SRP68: variants seen among roughly 807,000 people sequenced by gnomAD.
SRP68 encodes signal recognition particle subunit SRP68.
A neutral mutation model predicts 82.2 loss-of-function variants in SRP68; 15 were observed. The ratio of observed to expected loss-of-function variants is 0.18; its 90% confidence interval spans 0.12 to 0.28. The LOEUF is 0.28. Ranked by LOEUF, SRP68 falls within the 10% of genes least tolerant of loss-of-function variation. The pLI is 1.00. For missense variants in SRP68, 595 were observed against 780.5 expected, an observed-to-expected ratio of 0.76 and a Z score of 2.83; for synonymous variants, 261 against 292.6, an observed-to-expected ratio of 0.89 and a Z score of 1.10.
In SRP68 at chr17:76,039,413, C is replaced by T; in HGVS notation, c.*293G>A. On this transcript the variant is annotated 3_prime_UTR_variant, in exon 16 of 16. Coordinates refer to ENST00000307877, the MANE Select transcript of SRP68 (RefSeq NM_014230.4). Reference sequence around the variant, plus strand: ...TGTGGACTCCTGAACGCATTACTGACCAAAGGCAATCAATCACAGCTCACA... The same window carrying T: ...TGTGGACTCCTGAACGCATTACTGATCAAAGGCAATCAATCACAGCTCACA... The T allele has an allele frequency of 1.7e-6, 1 of 583,656 alleles. No individual in the cohort carries two copies. The highest frequency in any genetic ancestry group is 3.2e-6 in the Non-Finnish European group (1 of 309,718). 36.2% of individuals were successfully genotyped at this position (583,656 alleles called of 1,614,324 possible). A position where few individuals can be genotyped will look rare whatever the true frequency, so the allele number is the denominator to read the frequency against.
At chr17:76,053,416 C>T (rs982550514) in intron 8 of SRP68, 8 of 977,912 alleles carry the variant, frequency 8.2e-6, no homozygotes, top group South Asian at 4.7e-5. Flanking sequence ...TTGGAGCAAC[C>T]GGCGTTCAAG....
rs189731385 is a variant in SRP68 at position 76,060,290 on chromosome 17, A to C, written c.837+18T>G. On this transcript the variant is annotated intron_variant, in intron 7 of 15. Transcript: ENST00000307877. ...CTTTGTCCAAAGACTTTTCACAAAA[A>C]TGTACATACTAGATTACCTCCAATT... 4,627 of 1,587,982 alleles carry C rather than the reference A, an allele frequency of 2.9e-3. 48 individuals carry two copies. Among genetic ancestry groups the C allele is most frequent in the South Asian group, 0.021 (1,902 of 90,314 alleles).
chr17:76,050,018 T>C (rs771034545), intron 9 of SRP68, among the ~76,000 whole-genome samples: 7 of 151,960 alleles, frequency 4.6e-5, no homozygotes, highest in East Asian at 1.9e-4. Context: ...GAAGCAACAA[T>C]AGGCAAGAGG....
chr17:76,052,516 G>A (rs2066680518), intron 8 of SRP68, among the ~76,000 whole-genome samples: 2 of 152,178 alleles, frequency 1.3e-5, no homozygotes, highest in African/African-American at 4.8e-5. Flanking sequence ...TTAAAACCTA[G>A]ATGATGGGCT....
At chr17:76,068,518 C>T (rs2066824983) in intron 2 of SRP68, among the ~76,000 whole-genome samples, 1 of 150,178 alleles carries the variant, frequency 6.7e-6, no homozygotes, top group Admixed American at 6.6e-5. Flanking sequence ...GTAAAGAAAG[C>T]AGGGAAAGGG....
rs759764958 is a variant in SRP68 at position 76,047,890 on chromosome 17, T to G, written c.1142+16A>C. Reference sequence around the variant, plus strand: ...TTAATAATATTAAAAAGTAAAAAAATTAAAATAACCCTTACCTATGCAAGT... The same window carrying G: ...TTAATAATATTAAAAAGTAAAAAAAGTAAAATAACCCTTACCTATGCAAGT... On this transcript the variant is annotated intron_variant, in intron 10 of 15. Coordinates refer to ENST00000307877, the MANE Select transcript of SRP68 (RefSeq NM_014230.4). The G allele has an allele frequency of 7.1e-7, 1 of 1,410,500 alleles. No individual in the cohort carries two copies. The highest frequency in any genetic ancestry group is 9.4e-7 in the Non-Finnish European group (1 of 1,059,556). 87.4% of individuals were successfully genotyped at this position (1,410,500 alleles called of 1,614,324 possible). A position where few individuals can be genotyped will look rare whatever the true frequency, so the allele number is the denominator to read the frequency against.
intron 2 of SRP68, among the ~76,000 whole-genome samples, chr17:76,069,281 G>A (rs967402664): frequency 1.3e-4 from 19 of 151,518 alleles, no homozygotes; most frequent in Non-Finnish European, 2.7e-4. Context: ...CCAGGTACTC[G>A]GGAGGCTGAG....
At chr17:76,061,627 A>C in intron 4 of SRP68, 53 bp from the exon 5 acceptor site, 1 of 1,447,216 alleles carries the variant, frequency 6.9e-7, no homozygotes, top group South Asian at 1.1e-5. Flanking sequence ...CAGTGCTCCC[A>C]CTCAATCTTC....
intron 8 of SRP68, among the ~76,000 whole-genome samples, chr17:76,055,351 T>C (rs1204475875): frequency 6.6e-6 from 1 of 152,138 alleles, no homozygotes; most frequent in Non-Finnish European, 1.5e-5. Flanking sequence ...AGTTCTTCTA[T>C]GGTGATTTCT....
chr17:76,051,693 T>A (rs996910239), intron 8 of SRP68, among the ~76,000 whole-genome samples: 2 of 152,226 alleles, frequency 1.3e-5, no homozygotes, highest in African/African-American at 4.8e-5. Context: ...TTTCCACTTA[T>A]AAGTTACTTG....
chr17:76,040,980 T>C lies in SRP68; in HGVS notation c.1525-2A>G, dbSNP rs1221034372. 6.2e-7 allele frequency: 1 copy of C among 1,613,158 alleles called. No individual in the cohort carries two copies. Among genetic ancestry groups the C allele is most frequent in the Non-Finnish European group, 8.5e-7 (1 of 1,179,344 alleles). The stretch of plus-strand genomic sequence containing the variant: ...GAGCTCTTGCACATCAGGCAGGTCC[T>C]GTAAGATTCAGAAAACGTGTACTCC... On this transcript the variant is annotated splice_acceptor_variant, in intron 13 of 15. Coordinates refer to ENST00000307877, the MANE Select transcript of SRP68 (RefSeq NM_014230.4). LOFTEE classifies it high-confidence loss of function.
At chr17:76,062,123 A>G (rs2066756753) in intron 4 of SRP68, among the ~76,000 whole-genome samples, 1 of 151,944 alleles carries the variant, frequency 6.6e-6, no homozygotes, top group African/African-American at 2.4e-5. Flanking sequence ...TGTCTCTACT[A>G]AAAATACAAA....
In SRP68 at chr17:76,060,726, C is replaced by T. The variant is rs1567933693; in HGVS notation, c.755-336G>A. On this transcript the variant is annotated intron_variant, in intron 6 of 15. Transcript: ENST00000307877. The stretch of plus-strand genomic sequence containing the variant: ...GGCCATCAATTGTAACAAATGCACC[C>T]CTCTGGTGGGGGAAGATGCTAATGA... 1.5e-5 allele frequency: 5 copies of T among 338,666 alleles called. No homozygotes were observed. The South Asian group carries it at 1.9e-4, about 13-fold the overall frequency. 21.0% of individuals were successfully genotyped at this position (338,666 alleles called of 1,614,324 possible).
intron 6 of SRP68, 113 bp downstream of exon 6, chr17:76,060,997 G>A: frequency 2.7e-6 from 2 of 732,552 alleles, no homozygotes; most frequent in Non-Finnish European, 4.7e-6. Flanking sequence ...GTCAATGATG[G>A]AGGCAAGCGA....
Position 76,072,061 on chromosome 17 carries a change from ACCTG to A in SRP68, c.184+243_184+246del. 1 of 671,030 alleles carries A rather than the reference ACCTG, an allele frequency of 1.5e-6. No homozygotes were observed. Among genetic ancestry groups the A allele is most frequent in the Non-Finnish European group, 2.4e-6 (1 of 418,586 alleles). 41.6% of individuals were successfully genotyped at this position (671,030 alleles called of 1,614,324 possible). On this transcript the variant is annotated intron_variant, in intron 1 of 15. Coordinates refer to ENST00000307877, the MANE Select transcript of SRP68 (RefSeq NM_014230.4). The surrounding 1 kb of genome is among the most constrained non-coding windows in gnomAD (Gnocchi z 4.5). ...GGACAACTGCGGGGCACCAGGGGAA[ACCTG>A]CCTGATATCCCAGTGCCACTGGAAG...
intron 8 of SRP68, 143 bp from the exon 9 acceptor site, chr17:76,050,669 C>T: frequency 1.7e-6 from 1 of 583,584 alleles, no homozygotes; most frequent in Non-Finnish European, 3.1e-6. Context: ...TTAATTGTTA[C>T]TGTTCTCTAC....
chr17:76,061,409 A>G, intron 5 of SRP68, 83 bp downstream of exon 5: 1 of 1,279,472 alleles, frequency 7.8e-7, no homozygotes, highest in East Asian at 2.3e-5. Flanking sequence ...ACTTTCACAG[A>G]AACAATCCAC....
chr17:76,062,606 T>C (rs58055366), intron 4 of SRP68, among the ~76,000 whole-genome samples: 26 of 88,090 alleles, frequency 3.0e-4, no homozygotes, highest in East Asian at 4.7e-4. Flanking sequence ...ATACATTATA[T>C]ATTATATAAT....
At chr17:76,058,573 T>C (rs1037347746) in intron 7 of SRP68, among the ~76,000 whole-genome samples, 4 of 152,194 alleles carry the variant, frequency 2.6e-5, no homozygotes, top group Admixed American at 2.6e-4. Context: ...TTTCTATTTG[T>C]TTTAAATTTC....
Sources: gnomAD v4.1 joint callset for allele counts (sites outside exome capture counted in the v4.1 genomes callset) on GRCh38, gnomAD v4.1.1 for gene constraint, Gnocchi (gnomAD v3.1) non-coding constraint, MANE v1.5 for transcripts, NCBI Gene and HGNC (gene_info 2026-07-23, HGNC 2026-07-21) for gene names.